MYOM1: variants seen among roughly 807,000 people sequenced by gnomAD.
MYOM1 encodes the protein myomesin-1.
Under a neutral mutation model 205.3 loss-of-function variants are expected in MYOM1, and 164 were observed. The ratio of observed to expected loss-of-function variants is 0.80; its 90% CI spans 0.70 to 0.91. The LOEUF (loss-of-function observed/expected upper bound fraction) is 0.91, where lower values mean the gene tolerates loss of function less well. Among genes scored for constraint, MYOM1 ranks in the 40% least tolerant of loss-of-function variants. The pLI, the probability that MYOM1 is intolerant of heterozygous loss-of-function variation, is 0.00. For synonymous variants in MYOM1, 772 were observed against 789.4 expected (o/e 0.98, Z 0.37); for missense variants, 2,011 against 2,127.3 (o/e 0.95, Z 1.08).
At chr18:3,231,606 C>G in the MYOM1 span, among the ~76,000 whole-genome samples, 1 of 136,288 alleles carries the variant, frequency 7.3e-6, no homozygotes, top group Admixed American at 8.3e-5. Context: ...ATGGCGCGAT[C>G]TTGGCTCGCT....
chr18:3,245,169 C>G, the MYOM1 span, among the ~76,000 whole-genome samples: 1 of 152,088 alleles, frequency 6.6e-6, no homozygotes, highest in East Asian at 1.9e-4. Context: ...CTAAAGCAGA[C>G]TAATAACAGA....
Position 3,209,578 on chromosome 18 carries a change from C to T in MYOM1, c.290+5356G>A, listed in dbSNP as rs1467624660. Among the ~76,000 whole-genome samples the T allele has an allele frequency of 6.6e-6, 1 of 152,232 alleles. No homozygotes were observed. The highest frequency in any genetic ancestry group is 1.5e-5 in the Non-Finnish European group (1 of 68,042). On this transcript the variant is annotated intron_variant, in intron 2 of 37. Coordinates refer to ENST00000356443, the MANE Select transcript of MYOM1 (RefSeq NM_003803.4). This position sits in a 1 kb window ranked among gnomAD's most constrained non-coding sequence, Gnocchi z 4.0. Reference sequence around the variant, plus strand: ...GCCCAACCCATCACCTTTCTGACATCCTCTCCACCTGCACTATCCATCACT... The same window carrying T: ...GCCCAACCCATCACCTTTCTGACATTCTCTCCACCTGCACTATCCATCACT...
At chr18:3,136,747 CT>C (rs778816244) in intron 14 of MYOM1, among the ~76,000 whole-genome samples, 2 of 152,112 alleles carry the variant, frequency 1.3e-5, no homozygotes, top group Non-Finnish European at 2.9e-5. Flanking sequence ...ATTCTTGGTC[CT>C]TTTCTTATCA....
chr18:3,187,383 T>A, intron 5 of MYOM1, 97 bp downstream of exon 5: 1 of 1,332,306 alleles, frequency 7.5e-7, no homozygotes, highest in Admixed American at 2.0e-5. Flanking sequence ...GTAGATGTCT[T>A]CATTGACTCT....
intron 3 of MYOM1, among the ~76,000 whole-genome samples, chr18:3,192,920 T>A (rs1468933640): frequency 6.6e-6 from 1 of 152,076 alleles, no homozygotes; most frequent in Non-Finnish European, 1.5e-5. Context: ...AAAACCACAT[T>A]GATAACCAAG....
chr18:3,203,848 T>C (rs2144218314), intron 2 of MYOM1, among the ~76,000 whole-genome samples: 1 of 151,360 alleles, frequency 6.6e-6, no homozygotes, highest in Middle Eastern at 3.4e-3. Context: ...CAGACCAATA[T>C]CCATCATAGA....
intron 13 of MYOM1, among the ~76,000 whole-genome samples, chr18:3,146,154 G>C (rs1221886745): frequency 6.6e-6 from 1 of 151,878 alleles, no homozygotes; most frequent in African/African-American, 2.4e-5. Context: ...TCCAGGCCTA[G>C]ATGGCTCTGC....
chr18:3,215,327 T>A, intron 1 of MYOM1, 76 bp from the exon 2 acceptor site: 1 of 1,148,332 alleles, frequency 8.7e-7, no homozygotes, highest in Non-Finnish European at 1.2e-6. Flanking sequence ...AATCAATGTG[T>A]AAAAATCAAT....
intron 1 of MYOM1, among the ~76,000 whole-genome samples, chr18:3,218,744 G>T (rs948339350): frequency 1.3e-5 from 2 of 152,102 alleles, no homozygotes; most frequent in Non-Finnish European, 2.9e-5. Flanking sequence ...AAATAATAAA[G>T]AAACTTGTTA....
At chr18:3,169,551 A>G (rs1302874141) in intron 8 of MYOM1, among the ~76,000 whole-genome samples, 2 of 152,246 alleles carry the variant, frequency 1.3e-5, no homozygotes, top group East Asian at 3.8e-4. Context: ...GGTATACGGA[A>G]AAATGCTCAA....
rs1041756596 is a variant in MYOM1 at position 3,152,838 on chromosome 18, C to G, written c.1644-945G>C. ...GTGGCTGGTGTGGGGGGTGTATCTC[C>G]CCTCCTCACAATCACCTTCCTCTCT... On this transcript the variant is annotated intron_variant, in intron 11 of 37. Transcript: ENST00000356443. The surrounding 1 kb of genome is among the most constrained non-coding windows in gnomAD (Gnocchi z 4.3). Among the ~76,000 whole-genome samples the G allele has an allele frequency of 1.3e-5, 2 of 152,122 alleles. No homozygotes were observed. The highest frequency in any genetic ancestry group is 1.3e-4 in the Admixed American group (2 of 15,282).
chr18:3,243,537 T>G, the MYOM1 span, among the ~76,000 whole-genome samples: 1 of 152,220 alleles, frequency 6.6e-6, no homozygotes, highest in Non-Finnish European at 1.5e-5. Flanking sequence ...CTGGGCCACT[T>G]ACTAGCTATG....
intron 36 of MYOM1, 74 bp downstream of exon 36, chr18:3,075,380 T>C: frequency 2.1e-6 from 3 of 1,429,584 alleles, no homozygotes; most frequent in Non-Finnish European, 2.9e-6. Flanking sequence ...TCTGTAGTTA[T>C]AATAGCAAAA....
rs576646024 is a variant in MYOM1 at position 3,111,900 on chromosome 18, G to A, written c.3418+398C>T. ...CTACAATTACATAAATCCTACTTTCGTTTAAGGATTGTGCCCACTAGCTGG... is the reference window on the plus strand; with the variant it reads ...CTACAATTACATAAATCCTACTTTCATTTAAGGATTGTGCCCACTAGCTGG... On this transcript the variant is annotated intron_variant, in intron 22 of 37. Coordinates refer to ENST00000356443, the MANE Select transcript of MYOM1 (RefSeq NM_003803.4). 5.9e-5 allele frequency among the ~76,000 whole-genome samples: 9 copies of A among 152,274 alleles called. No homozygotes were observed. The South Asian group carries it at 1.0e-3, about 18-fold the overall frequency.
chr18:3,228,762 C>T, the MYOM1 span, among the ~76,000 whole-genome samples: 1 of 152,178 alleles, frequency 6.6e-6, no homozygotes, highest in African/African-American at 2.4e-5. The surrounding 1 kb of genome is among the most constrained non-coding windows in gnomAD (Gnocchi z 4.5). Flanking sequence ...GCAGTTAATC[C>T]TGGGTCCCGC....
At chr18:3,077,014 G>GTTTT (rs1308689052) in intron 34 of MYOM1, among the ~76,000 whole-genome samples, 4,569 of 135,218 alleles carry the variant, frequency 0.034, 264 homozygotes, top group African/African-American at 0.12. Flanking sequence ...TCCCAGCCTT[G>GTTTT]TTTTTTTTTT....
intron 26 of MYOM1, among the ~76,000 whole-genome samples, chr18:3,092,116 A>G (rs2079234346): frequency 6.6e-5 from 10 of 152,182 alleles, no homozygotes; most frequent in Admixed American, 6.5e-4. Context: ...TCTCCTTGGC[A>G]TCTTGCACAT....
chr18:3,093,050 G>A (rs767120072), intron 26 of MYOM1, among the ~76,000 whole-genome samples: 11 of 152,132 alleles, frequency 7.2e-5, no homozygotes, highest in Non-Finnish European at 1.2e-4. Flanking sequence ...AAGTGGAGAG[G>A]AGACGGGTCG....
chr18:3,202,675 G>T (rs2081082757), intron 2 of MYOM1, among the ~76,000 whole-genome samples: 1 of 151,856 alleles, frequency 6.6e-6, no homozygotes, highest in Non-Finnish European at 1.5e-5. Flanking sequence ...AAAAATGACA[G>T]AATTGAAAGA....
Sources: gnomAD v4.1 joint callset for allele counts (sites outside exome capture counted in the v4.1 genomes callset) on GRCh38, gnomAD v4.1.1 for gene constraint, Gnocchi (gnomAD v3.1) non-coding constraint, MANE v1.5 for transcripts, NCBI Gene and HGNC (gene_info 2026-07-23, HGNC 2026-07-21) for gene names.